ATL2: variants seen among roughly 807,000 people sequenced by gnomAD.
ATL2 encodes atlastin-2.
Under a neutral mutation model 73.9 loss-of-function variants are expected in ATL2, and 31 were observed. The ratio of observed to expected loss-of-function variants is 0.42; its 90% confidence interval spans 0.32 to 0.57. The LOEUF (loss-of-function observed/expected upper bound fraction) is 0.57, where lower values mean the gene tolerates loss of function less well. Ranked by LOEUF, ATL2 falls within the 20% of genes least tolerant of loss-of-function variation. ATL2 has a pLI of 0.14. For missense variants in ATL2, 738 were observed against 702.6 expected (o/e 1.05, Z -0.57); for synonymous variants, 291 against 237.5 (o/e 1.23, Z -2.07).
At chr2:38,321,339 TC>T (rs1668310352) in intron 2 of ATL2, among the ~76,000 whole-genome samples, 1 of 152,152 alleles carries the variant, frequency 6.6e-6, no homozygotes, top group Admixed American at 6.6e-5. Context: ...TTCTTTTTCT[TC>T]AGTTTTCAAT....
chr2:38,343,516 G>A lies in ATL2; in HGVS notation c.119-4C>T, dbSNP rs1175121607. ...TCATCATCTTCATAATTCTCACCTA[G>A]AATTTAAAAAGAAAGAAACTGGTTA... On this transcript the variant is annotated splice_polypyrimidine_tract_variant and splice_region_variant and intron_variant, in intron 1 of 12. Coordinates refer to ENST00000378954, the MANE Select transcript of ATL2 (RefSeq NM_001135673.4). 3 of 1,599,024 alleles carry A rather than the reference G, an allele frequency of 1.9e-6. No individual in the cohort carries two copies. The highest frequency in any genetic ancestry group is 2.7e-5 in the African/African-American group (2 of 73,534).
chr2:38,302,059 G>C (rs1667218481), intron 9 of ATL2, among the ~76,000 whole-genome samples: 1 of 152,186 alleles, frequency 6.6e-6, no homozygotes, highest in African/African-American at 2.4e-5. Context: ...CCAGTTCCCA[G>C]ACAAGATTTC....
intron 1 of ATL2, among the ~76,000 whole-genome samples, chr2:38,364,636 C>T (rs531664898): frequency 6.6e-6 from 1 of 152,310 alleles, no homozygotes; most frequent in South Asian, 2.1e-4. Context: ...ATTTTTAGTA[C>T]AATGACTCTA....
At chr2:38,353,560 T>C (rs558823910) in intron 1 of ATL2, among the ~76,000 whole-genome samples, 3 of 152,288 alleles carry the variant, frequency 2.0e-5, no homozygotes, top group African/African-American at 4.8e-5. Flanking sequence ...TTACCAAAAT[T>C]TGATGACAGA....
intron 2 of ATL2, 51 bp from the exon 3 acceptor site, chr2:38,319,070 G>C: frequency 1.3e-6 from 2 of 1,557,624 alleles, no homozygotes; most frequent in East Asian, 2.3e-5. Context: ...AGAAATAAAA[G>C]AAACCAAAAA....
intron 8 of ATL2, 137 bp downstream of exon 8, chr2:38,310,172 T>C (rs953168805): frequency 4.0e-6 from 4 of 999,890 alleles, no homozygotes; most frequent in Admixed American, 2.9e-5. Context: ...ACACAGAGCA[T>C]TACAACCACA....
chr2:38,347,509 C>T (rs898110429), intron 1 of ATL2, among the ~76,000 whole-genome samples: 6 of 152,174 alleles, frequency 3.9e-5, no homozygotes, highest in African/African-American at 1.4e-4. Flanking sequence ...TTCCTTAACA[C>T]TTTAATGAAA....
intron 1 of ATL2, 110 bp from the exon 2 acceptor site, chr2:38,343,622 A>C: frequency 3.5e-6 from 3 of 847,380 alleles, no homozygotes; most frequent in Non-Finnish European, 5.5e-6. Flanking sequence ...CCCTCCCCCC[A>C]TTATAGATCA....
intron 1 of ATL2, among the ~76,000 whole-genome samples, chr2:38,363,370 TGGG>T (rs35089431): frequency 3.8e-4 from 46 of 120,548 alleles, no homozygotes; most frequent in African/African-American, 1.3e-3. Context: ...ATTAAAAAGG[TGGG>T]GGGGGGGGTT....
At chr2:38,303,216 A>AT (rs1455065033) in intron 9 of ATL2, among the ~76,000 whole-genome samples, 1 of 152,054 alleles carries the variant, frequency 6.6e-6, no homozygotes, top group South Asian at 2.1e-4. Flanking sequence ...TTTTTATTTT[A>AT]TTTTTTTGAG....
At chr2:38,340,080 A>G (rs552901571) in intron 2 of ATL2, among the ~76,000 whole-genome samples, 13 of 150,770 alleles carry the variant, frequency 8.6e-5, no homozygotes, top group African/African-American at 2.9e-4. Flanking sequence ...AGCCAAACAC[A>G]TAATACCTAT....
At position 38,296,032 on chromosome 2, in the gene ATL2, C is replaced by A; in HGVS notation, c.1714G>T (p.Asp572Tyr). The A allele has an allele frequency of 6.4e-7, 1 of 1,551,684 alleles. No individual in the cohort carries two copies. Among genetic ancestry groups the A allele is most frequent in the South Asian group, 1.2e-5 (1 of 84,022 alleles). The change falls in exon 13 of 13, where the codon GAC becomes TAC. Residue 572 changes from aspartate to tyrosine, a missense_variant. Transcript: ENST00000378954. ...AATCTGGCATGATGAGACACCTGGT[C>A]AGTCAGGCCTGCTTTGATAGAGTTT... The part of the protein sequence containing the change: ...VTNSIKAGLT[D>Y]QVSHHARLKT...
chr2:38,336,761 G>A (rs1366224128), intron 2 of ATL2, among the ~76,000 whole-genome samples: 1 of 152,114 alleles, frequency 6.6e-6, no homozygotes, highest in East Asian at 1.9e-4. Context: ...AATTATCACT[G>A]CACAGGGTTA....
chr2:38,303,891 G>A (rs770253651), intron 9 of ATL2, among the ~76,000 whole-genome samples: 1 of 152,140 alleles, frequency 6.6e-6, no homozygotes, highest in Non-Finnish European at 1.5e-5. Flanking sequence ...CAGCACTTTG[G>A]GAGGTCAAGG....
chr2:38,347,025 T>C (rs376097096), intron 1 of ATL2, among the ~76,000 whole-genome samples: 3 of 152,232 alleles, frequency 2.0e-5, no homozygotes, highest in South Asian at 4.1e-4. Context: ...CAACCAAGTT[T>C]AGTCATTCTA....
chr2:38,352,133 C>CAAAAAAAAA (rs778821586), intron 1 of ATL2, among the ~76,000 whole-genome samples: 5 of 31,994 alleles, frequency 1.6e-4, no homozygotes, highest in African/African-American at 3.0e-4. Context: ...AAACAACAAC[C>CAAAAAAAAA]AAAAAAAAAA....
chr2:38,311,737 T>C (rs747535397), intron 7 of ATL2, among the ~76,000 whole-genome samples: 2 of 152,232 alleles, frequency 1.3e-5, no homozygotes, highest in Non-Finnish European at 2.9e-5. Flanking sequence ...TAAATGGCTA[T>C]GTTCATTTTT....
rs181781194 is a variant in ATL2 at position 38,360,808 on chromosome 2, T to C, written c.118+16335A>G. 3.7e-4 allele frequency among the ~76,000 whole-genome samples: 56 copies of C among 152,264 alleles called. 1 individual carries two copies. The East Asian group carries it at 7.5e-3, about 20-fold the overall frequency. ...TTTTAAAGAATGAGAGTACACAATA[T>C]TGAAACTTTCTTACTTTAATATTTT... On this transcript the variant is annotated intron_variant, in intron 1 of 12. Coordinates refer to ENST00000378954, the MANE Select transcript of ATL2 (RefSeq NM_001135673.4).
At chr2:38,361,073 G>A (rs867983287) in intron 1 of ATL2, among the ~76,000 whole-genome samples, 54 of 152,126 alleles carry the variant, frequency 3.5e-4, no homozygotes, top group Admixed American at 2.0e-4. Context: ...AAATCAAGCA[G>A]CCAGGCGCGG....
Sources: allele counts gnomAD v4.1 joint callset (sites outside exome capture counted in the v4.1 genomes callset), GRCh38; gene constraint gnomAD v4.1.1; transcripts MANE v1.5; gene names NCBI Gene and HGNC (gene_info 2026-07-23, HGNC 2026-07-21).